DNAJC5: variants seen among roughly 807,000 people sequenced by gnomAD.
DNAJC5 encodes DnaJ heat shock protein family (Hsp40) member C5, also known as dnaJ homolog subfamily C member 5.
In DNAJC5, 1 loss-of-function variant was observed where a neutral mutation model predicts 23.2. That is an observed-to-expected ratio of 0.04 (90% CI 0.02 to 0.20). DNAJC5 has a LOEUF of 0.20. DNAJC5 is among the 10% of genes least tolerant of loss of function. The pLI, the probability that DNAJC5 is intolerant of heterozygous loss-of-function variation, is 1.00. For synonymous variants in DNAJC5, 136 were observed against 120.0 expected, an observed-to-expected ratio of 1.13 and a Z score of -0.87; for missense variants, 180 against 267.0, an observed-to-expected ratio of 0.67 and a Z score of 2.27.
chr20:63,904,028 C>T (rs931327430), intron 1 of DNAJC5, among the ~76,000 whole-genome samples: 4 of 152,006 alleles, frequency 2.6e-5, no homozygotes, highest in African/African-American at 7.3e-5. Context: ...GCCTGGGAAG[C>T]GGAGGTTGCA....
rs1020454703 is a variant in DNAJC5 at position 63,920,964 on chromosome 20, TTTG to T, written c.-11-7368_-11-7366del. Among the ~76,000 whole-genome samples the T allele has an allele frequency of 9.9e-5, 15 of 151,484 alleles. No homozygotes were observed. The highest frequency in any genetic ancestry group is 3.6e-4 in the African/African-American group (15 of 41,200). ...CAAAGCCTTGTTTGCTTTTTTTTAT[TTTG>T]TTTTGTTTTGAGACGGAGTTTCACT... On this transcript the variant is annotated intron_variant, in intron 1 of 4. Coordinates refer to ENST00000360864, the MANE Select transcript of DNAJC5 (RefSeq NM_025219.3). This position sits in a 1 kb window ranked among gnomAD's most constrained non-coding sequence, Gnocchi z 4.6.
At chr20:63,901,470 G>A (rs983661557) in intron 1 of DNAJC5, among the ~76,000 whole-genome samples, 3 of 152,222 alleles carry the variant, frequency 2.0e-5, no homozygotes, top group South Asian at 2.1e-4. Context: ...ACTGCAGAAC[G>A]AAAATATCCC....
chr20:63,922,686 C>T (rs545505089), intron 1 of DNAJC5, among the ~76,000 whole-genome samples: 3 of 152,176 alleles, frequency 2.0e-5, no homozygotes, highest in Non-Finnish European at 2.9e-5. Context: ...GGGAGGATCA[C>T]TTGAGTCTGA....
Position 63,934,311 on chromosome 20 carries a change from GC to G in DNAJC5, c.*2748del. 1 of 152,172 alleles carries G rather than the reference GC, an allele frequency of 6.6e-6. No homozygotes were observed. Among genetic ancestry groups the G allele is most frequent in the Non-Finnish European group, 1.5e-5 (1 of 68,034 alleles). The allele number at this position is 152,172 out of a possible 1,614,324, so 9.4% of individuals were successfully genotyped here. On this transcript the variant is annotated 3_prime_UTR_variant, in exon 5 of 5. Transcript: ENST00000360864. ...TGTCCACGTGCTAACAGATCAGGAC[GC>G]CCCCAGCACCCCTGCCTGCTTTTGC...
intron 1 of DNAJC5, among the ~76,000 whole-genome samples, chr20:63,897,326 G>A (rs898933480): frequency 7.2e-5 from 11 of 152,124 alleles, no homozygotes; most frequent in Non-Finnish European, 1.5e-4. Context: ...CCCAGGAGGC[G>A]GAGGTTGCAG....
intron 1 of DNAJC5, among the ~76,000 whole-genome samples, chr20:63,901,415 G>A (rs1046617270): frequency 1.3e-5 from 2 of 152,208 alleles, no homozygotes; most frequent in Admixed American, 6.5e-5. Context: ...CCTGCCCTGT[G>A]CCTCTATTTT....
At chr20:63,900,352 C>T (rs1434566995) in intron 1 of DNAJC5, among the ~76,000 whole-genome samples, 1 of 151,900 alleles carries the variant, frequency 6.6e-6, no homozygotes, top group East Asian at 1.9e-4. Context: ...CCGAGGCAGG[C>T]GGATTGCTAG....
intron 1 of DNAJC5, among the ~76,000 whole-genome samples, chr20:63,895,878 C>G (rs189530056): frequency 6.6e-6 from 1 of 152,182 alleles, no homozygotes; most frequent in African/African-American, 2.4e-5. Context: ...TTTATAAAAA[C>G]ATTTGAAGCC....
At chr20:63,901,931 A>G (rs1262769690) in intron 1 of DNAJC5, among the ~76,000 whole-genome samples, 1 of 152,148 alleles carries the variant, frequency 6.6e-6, no homozygotes, top group Non-Finnish European at 1.5e-5. Context: ...CTTTTACCAC[A>G]GCACTTTGGT....
At chr20:63,906,480 T>A (rs976233263) in intron 1 of DNAJC5, among the ~76,000 whole-genome samples, 3 of 149,012 alleles carry the variant, frequency 2.0e-5, no homozygotes, top group South Asian at 4.3e-4. Flanking sequence ...ATAGAAAGAC[T>A]CTGTCTTAAT....
chr20:63,920,705 T>C lies in DNAJC5; in HGVS notation c.-11-7630T>C, dbSNP rs1424938475. Among the ~76,000 whole-genome samples, 1 of 152,284 alleles carries C rather than the reference T, an allele frequency of 6.6e-6. No individual in the cohort carries two copies. Among genetic ancestry groups the C allele is most frequent in the South Asian group, 2.1e-4 (1 of 4,832 alleles). On this transcript the variant is annotated intron_variant, in intron 1 of 4. Coordinates refer to ENST00000360864, the MANE Select transcript of DNAJC5 (RefSeq NM_025219.3). The surrounding 1 kb of genome is among the most constrained non-coding windows in gnomAD (Gnocchi z 4.6). The stretch of plus-strand genomic sequence containing the variant: ...TTATTTATTTATTTTTGAGACTGAG[T>C]CTGACTCTGTCACCCAGGCTGGAGT...
At chr20:63,924,733 C>T (rs191159198) in intron 1 of DNAJC5, among the ~76,000 whole-genome samples, 8 of 152,284 alleles carry the variant, frequency 5.3e-5, no homozygotes, top group East Asian at 1.9e-4. Flanking sequence ...CCTGTAGTCC[C>T]GTGCCTGCGG....
chr20:63,897,404 AT>A (rs1169156417), intron 1 of DNAJC5, among the ~76,000 whole-genome samples: 1 of 151,868 alleles, frequency 6.6e-6, no homozygotes, highest in Non-Finnish European at 1.5e-5. Flanking sequence ...TATAAAAAAA[AT>A]AAAAATAAAA....
rs946559411 is a variant in DNAJC5 at position 63,928,451 on chromosome 20, C to T, written c.106C>T (p.Arg36Trp). The change falls in exon 2 of 5, where the codon CGG becomes TGG. Residue 36 changes from arginine (R) to tryptophan (W), a missense_variant and splice_region_variant. Coordinates refer to ENST00000360864, the MANE Select transcript of DNAJC5 (RefSeq NM_025219.3). This position sits in a 1 kb window ranked among gnomAD's most constrained non-coding sequence, Gnocchi z 4.6. ...CTCAGATGACATTAAAAAGTCCTAT[C>T]GGTAAGTGGACAAGTGTGGCCCCCA... ...ATSDDIKKSY[R>W]KLALKYHPDK... 2 of 1,613,392 alleles carry T rather than the reference C, an allele frequency of 1.2e-6. No individual in the cohort carries two copies. Among genetic ancestry groups the T allele is most frequent in the African/African-American group, 1.3e-5 (1 of 74,918 alleles).
At chr20:63,915,439 AG>A (rs1041002422) in intron 1 of DNAJC5, among the ~76,000 whole-genome samples, 2 of 147,590 alleles carry the variant, frequency 1.4e-5, no homozygotes, top group African/African-American at 5.1e-5. Flanking sequence ...AAAAAAAAAA[AG>A]CTTGTGCTCA....
intron 1 of DNAJC5, among the ~76,000 whole-genome samples, chr20:63,926,298 C>T (rs1314748324): frequency 2.0e-5 from 3 of 152,196 alleles, no homozygotes; most frequent in African/African-American, 7.2e-5. Flanking sequence ...CTTTTCACGC[C>T]TCTAGGATCT....
At chr20:63,895,672 G>A (rs2053370302) in intron 1 of DNAJC5, among the ~76,000 whole-genome samples, 1 of 152,070 alleles carries the variant, frequency 6.6e-6, no homozygotes, top group African/African-American at 2.4e-5. Context: ...ACCCCCCGGG[G>A]TCTCCTCTCC....
chr20:63,913,523 A>C (rs1268218058), intron 1 of DNAJC5, among the ~76,000 whole-genome samples: 1 of 151,196 alleles, frequency 6.6e-6, no homozygotes, highest in Non-Finnish European at 1.5e-5. Context: ...CAGTCTTCTG[A>C]GTAGCTGGGA....
intron 1 of DNAJC5, among the ~76,000 whole-genome samples, chr20:63,916,905 C>T (rs1023917075): frequency 6.6e-6 from 1 of 152,244 alleles, no homozygotes; most frequent in Non-Finnish European, 1.5e-5. Flanking sequence ...CCTGACCACA[C>T]AGGCAGTCAG....
Sources: gnomAD v4.1 joint callset for allele counts (sites outside exome capture counted in the v4.1 genomes callset) on GRCh38, gnomAD v4.1.1 for gene constraint, Gnocchi (gnomAD v3.1) non-coding constraint, MANE v1.5 for transcripts, NCBI Gene and HGNC (gene_info 2026-07-23, HGNC 2026-07-21) for gene names.